The following SNTB1 variants were observed in gnomAD, a reference collection of about 807,000 sequenced individuals.
SNTB1 encodes the protein beta-1-syntrophin.
SNTB1 carries 36 observed loss-of-function variants against 48.9 expected under a neutral mutation model. The ratio of observed to expected loss-of-function variants is 0.74; its 90% CI spans 0.56 to 0.97. SNTB1 has a LOEUF of 0.97. Ranked by LOEUF, SNTB1 falls within the 50% of genes least tolerant of loss-of-function variation. The pLI is 0.00. For synonymous variants in SNTB1, 299 were observed against 294.6 expected (o/e 1.01, Z -0.15); for missense variants, 786 against 703.4 (o/e 1.12, Z -1.33).
intron 3 of SNTB1, among the ~76,000 whole-genome samples, chr8:120,592,095 T>G (rs1053994695): frequency 2.6e-5 from 4 of 152,236 alleles, no homozygotes; most frequent in African/African-American, 4.8e-5. Context: ...AAATTTCATT[T>G]TATTAAAAAG....
chr8:120,611,556 G>C (rs1281159142), intron 3 of SNTB1, among the ~76,000 whole-genome samples: 2 of 151,734 alleles, frequency 1.3e-5, no homozygotes, highest in African/African-American at 4.8e-5. Context: ...AGGTGCGGTA[G>C]CTCACGCCTG....
intron 1 of SNTB1, among the ~76,000 whole-genome samples, chr8:120,713,908 AG>A (rs894130497): frequency 2.0e-5 from 3 of 152,186 alleles, no homozygotes; most frequent in African/African-American, 7.2e-5. Context: ...TTACCTGTAA[AG>A]GGCTCTATAA....
At chr8:120,582,690 G>T (rs544058551) in intron 3 of SNTB1, among the ~76,000 whole-genome samples, 1 of 151,854 alleles carries the variant, frequency 6.6e-6, no homozygotes, top group Admixed American at 6.6e-5. Context: ...GTTCTCACTC[G>T]TAAGTGGGAG....
intron 5 of SNTB1, among the ~76,000 whole-genome samples, chr8:120,546,876 T>C (rs1460920236): frequency 2.6e-5 from 4 of 152,246 alleles, no homozygotes; most frequent in African/African-American, 9.6e-5. Flanking sequence ...CTGTATGTTT[T>C]GGAGAGTGGC....
At chr8:120,679,636 C>T (rs1409519792) in intron 2 of SNTB1, among the ~76,000 whole-genome samples, 2 of 152,328 alleles carry the variant, frequency 1.3e-5, no homozygotes, top group South Asian at 2.1e-4. Context: ...AGAATCACTG[C>T]CCTAACCTTA....
intron 2 of SNTB1, among the ~76,000 whole-genome samples, chr8:120,690,596 A>T (rs556401829): frequency 6.6e-6 from 1 of 152,124 alleles, no homozygotes; most frequent in Non-Finnish European, 1.5e-5. Flanking sequence ...ACCTTGTCTT[A>T]TATCAAGATC....
chr8:120,727,883 A>G (rs1818787241), intron 1 of SNTB1, among the ~76,000 whole-genome samples: 2 of 152,198 alleles, frequency 1.3e-5, no homozygotes, highest in African/African-American at 2.4e-5. Flanking sequence ...AAGAATTCAC[A>G]CAAGATTAGA....
chr8:120,677,116 T>C (rs566733006), intron 2 of SNTB1, among the ~76,000 whole-genome samples: 1 of 152,030 alleles, frequency 6.6e-6, no homozygotes, highest in South Asian at 2.1e-4. Context: ...TTGTAAAGGC[T>C]GGAAACCTGA....
intron 2 of SNTB1, among the ~76,000 whole-genome samples, chr8:120,680,481 C>T (rs1563849933): frequency 6.6e-6 from 1 of 152,162 alleles, no homozygotes; most frequent in South Asian, 2.1e-4. Context: ...TAGATACACA[C>T]CTTATATGTC....
chr8:120,633,948 T>G (rs1817025630), intron 2 of SNTB1, among the ~76,000 whole-genome samples: 1 of 152,126 alleles, frequency 6.6e-6, no homozygotes, highest in Non-Finnish European at 1.5e-5. Flanking sequence ...TTTTTTCACG[T>G]GTAGATTTGT....
intron 1 of SNTB1, among the ~76,000 whole-genome samples, chr8:120,741,547 T>C (rs1463579086): frequency 2.0e-5 from 3 of 152,170 alleles, no homozygotes; most frequent in Non-Finnish European, 2.9e-5. Flanking sequence ...AGGCGGAGGT[T>C]GCAGTGAGCC....
intron 1 of SNTB1, among the ~76,000 whole-genome samples, chr8:120,694,236 A>G (rs1818174000): frequency 6.6e-6 from 1 of 152,208 alleles, no homozygotes; most frequent in South Asian, 2.1e-4. Context: ...AGAGAGTGAG[A>G]AAGTATAACT....
intron 2 of SNTB1, among the ~76,000 whole-genome samples, chr8:120,649,197 C>A (rs937265348): frequency 2.0e-5 from 3 of 150,972 alleles, no homozygotes; most frequent in African/African-American, 7.3e-5. Flanking sequence ...CAGCTTTGTT[C>A]CGCTGCTGGT....
At chr8:120,642,166 G>A (rs1005089558) in intron 2 of SNTB1, among the ~76,000 whole-genome samples, 6 of 152,186 alleles carry the variant, frequency 3.9e-5, no homozygotes, top group Admixed American at 1.3e-4. Context: ...TTAGTTGTTT[G>A]CCAGGCTTCC....
chr8:120,652,125 C>T (rs1817419751), intron 2 of SNTB1, among the ~76,000 whole-genome samples: 1 of 152,178 alleles, frequency 6.6e-6, no homozygotes, highest in East Asian at 1.9e-4. Context: ...TAGGATAGAA[C>T]TATTGGTTAA....
At chr8:120,756,570 C>T (rs1421843105) in intron 1 of SNTB1, among the ~76,000 whole-genome samples, 1 of 152,008 alleles carries the variant, frequency 6.6e-6, no homozygotes, top group East Asian at 1.9e-4. Context: ...ACCTCAAATG[C>T]CAAGACATTT....
intron 1 of SNTB1, among the ~76,000 whole-genome samples, chr8:120,735,607 C>T (rs1421286113): frequency 6.6e-6 from 1 of 152,108 alleles, no homozygotes; most frequent in Non-Finnish European, 1.5e-5. Context: ...AGAGAAAGGC[C>T]ATGTGAAGAC....
chr8:120,752,783 G>A (rs1819244234), intron 1 of SNTB1, among the ~76,000 whole-genome samples: 1 of 151,968 alleles, frequency 6.6e-6, no homozygotes, highest in African/African-American at 2.4e-5. Context: ...AGCACACATG[G>A]ACATAAGTAA....
At chr8:120,550,528 C>A (rs1205553439) in intron 4 of SNTB1, among the ~76,000 whole-genome samples, 1 of 129,868 alleles carries the variant, frequency 7.7e-6, no homozygotes, top group Non-Finnish European at 1.6e-5. Flanking sequence ...GGCAACAGTG[C>A]GAGACTCTGT....
Sources: allele counts gnomAD v4.1 joint callset (sites outside exome capture counted in the v4.1 genomes callset), GRCh38; gene constraint gnomAD v4.1.1; transcripts MANE v1.5; gene names NCBI Gene and HGNC (gene_info 2026-07-23, HGNC 2026-07-21).